MOB3B: variants seen among roughly 807,000 people sequenced by gnomAD.
MOB3B encodes the protein MOB kinase activator 3B.
A neutral mutation model predicts 18.7 loss-of-function variants in MOB3B; 7 were observed. The ratio of observed to expected loss-of-function variants is 0.37; its 90% CI spans 0.21 to 0.70. The LOEUF (loss-of-function observed/expected upper bound fraction) is 0.70, where lower values mean the gene tolerates loss of function less well. Ranked by LOEUF, MOB3B falls within the 30% of genes least tolerant of loss-of-function variation. The pLI, the probability that MOB3B is intolerant of heterozygous loss-of-function variation, is 0.52. For missense variants in MOB3B, 253 were observed against 281.3 expected, an observed-to-expected ratio of 0.90 and a Z score of 0.72; for synonymous variants, 111 against 99.9, an observed-to-expected ratio of 1.11 and a Z score of -0.66.
chr9:27,395,849 T>C (rs1408384940), intron 2 of MOB3B, among the ~76,000 whole-genome samples: 2 of 152,176 alleles, frequency 1.3e-5, no homozygotes, highest in African/African-American at 2.4e-5. Flanking sequence ...ATCTACACAA[T>C]GGAGATAACA....
intron 2 of MOB3B, among the ~76,000 whole-genome samples, chr9:27,406,815 G>T (rs1005851990): frequency 6.6e-6 from 1 of 151,536 alleles, no homozygotes; most frequent in Non-Finnish European, 1.5e-5. Context: ...AATGCTCAAG[G>T]ACATTGGTCT....
intron 1 of MOB3B, among the ~76,000 whole-genome samples, chr9:27,472,712 C>T (rs979568247): frequency 6.8e-6 from 1 of 147,534 alleles, no homozygotes; most frequent in Non-Finnish European, 1.5e-5. Flanking sequence ...AAAAGAGCTC[C>T]CTGAGTTTAA....
intron 3 of MOB3B, among the ~76,000 whole-genome samples, chr9:27,339,754 T>G (rs1009407098): frequency 6.6e-6 from 1 of 152,238 alleles, no homozygotes; most frequent in African/African-American, 2.4e-5. Flanking sequence ...GTGCTGAATA[T>G]ATCTTCATTC....
At chr9:27,362,613 T>C (rs570508752) in intron 2 of MOB3B, among the ~76,000 whole-genome samples, 1 of 152,154 alleles carries the variant, frequency 6.6e-6, no homozygotes, top group South Asian at 2.1e-4. Context: ...CTGCAAACGG[T>C]TCAAGTTGAG....
chr9:27,374,603 G>A (rs1821466002), intron 2 of MOB3B, among the ~76,000 whole-genome samples: 1 of 152,136 alleles, frequency 6.6e-6, no homozygotes, highest in Non-Finnish European at 1.5e-5. Flanking sequence ...GGTCTCTCTA[G>A]AACTTGACAT....
intron 2 of MOB3B, among the ~76,000 whole-genome samples, chr9:27,409,307 C>T (rs1243077675): frequency 2.0e-5 from 3 of 152,186 alleles, no homozygotes; most frequent in Admixed American, 6.5e-5. Context: ...CAGAGCTAGA[C>T]ACTATTTAAT....
intron 2 of MOB3B, among the ~76,000 whole-genome samples, chr9:27,429,091 C>T (rs143873512): frequency 1.1e-3 from 160 of 152,204 alleles, no homozygotes; most frequent in African/African-American, 3.5e-3. Flanking sequence ...TAGGAGACAC[C>T]CTGATTTTAG....
chr9:27,338,658 G>A (rs999671090), intron 3 of MOB3B, among the ~76,000 whole-genome samples: 4 of 152,342 alleles, frequency 2.6e-5, no homozygotes, highest in Admixed American at 1.3e-4. Context: ...TAGAAGGTGG[G>A]AACAACAGCA....
chr9:27,399,001 G>C (rs1213126272), intron 2 of MOB3B, among the ~76,000 whole-genome samples: 1 of 151,854 alleles, frequency 6.6e-6, no homozygotes, highest in Non-Finnish European at 1.5e-5. Flanking sequence ...TCTGGGGGCA[G>C]GGGGGTGGGA....
chr9:27,509,356 T>A (rs1820107516), intron 1 of MOB3B, among the ~76,000 whole-genome samples: 1 of 151,910 alleles, frequency 6.6e-6, no homozygotes, highest in Non-Finnish European at 1.5e-5. Flanking sequence ...TACTTCAAGT[T>A]CCCCAAATTT....
chr9:27,377,762 A>G (rs189503646), intron 2 of MOB3B, among the ~76,000 whole-genome samples: 5 of 152,374 alleles, frequency 3.3e-5, no homozygotes, highest in Admixed American at 3.3e-4. Flanking sequence ...AATGTTCTCT[A>G]AGACTTTCAC....
intron 1 of MOB3B, among the ~76,000 whole-genome samples, chr9:27,505,267 C>T (rs1820042531): frequency 6.6e-6 from 1 of 152,188 alleles, no homozygotes; most frequent in Admixed American, 6.5e-5. Flanking sequence ...CTGCAAACAT[C>T]TGTGTCCGTA....
chr9:27,487,846 T>G (rs1397993569), intron 1 of MOB3B, among the ~76,000 whole-genome samples: 2 of 152,234 alleles, frequency 1.3e-5, no homozygotes, highest in African/African-American at 2.4e-5. Flanking sequence ...TCATCATGGC[T>G]TCTGCCTTCT....
chr9:27,491,634 G>A (rs961411939), intron 1 of MOB3B, among the ~76,000 whole-genome samples: 1 of 152,176 alleles, frequency 6.6e-6, no homozygotes, highest in Non-Finnish European at 1.5e-5. Context: ...CAGCACTTTG[G>A]GAGGCCGAGC....
intron 2 of MOB3B, 146 bp from the exon 3 acceptor site, chr9:27,359,382 G>C (rs55840607): frequency 1.6e-5 from 10 of 607,456 alleles, no homozygotes; most frequent in Admixed American, 8.8e-5. Flanking sequence ...TGTGTGTGGG[G>C]GGGGGGGGTT....
rs140414575 is a variant in MOB3B, at chr9:27,387,127, G to T, written c.419-27891C>A. ...GTGCTTGCTGAGAAAACTGAAGTTG[G>T]ATGCCTCCTTTAAACAGAATGAAAG... On this transcript the variant is annotated intron_variant, in intron 2 of 3. Coordinates refer to ENST00000262244, the MANE Select transcript of MOB3B (RefSeq NM_024761.5). Among the ~76,000 whole-genome samples, 716 of 152,292 alleles carry T rather than the reference G, an allele frequency of 4.7e-3. 2 individuals are homozygous for T. Among genetic ancestry groups the T allele is most frequent in the Non-Finnish European group, 8.2e-3 (556 of 68,034 alleles).
chr9:27,500,072 C>T (rs1819966173), intron 1 of MOB3B, among the ~76,000 whole-genome samples: 1 of 152,042 alleles, frequency 6.6e-6, no homozygotes, highest in Admixed American at 6.5e-5. Flanking sequence ...GACTAGACCT[C>T]AGAACTATCA....
intron 1 of MOB3B, among the ~76,000 whole-genome samples, chr9:27,457,302 T>C (rs958821505): frequency 3.3e-5 from 5 of 152,206 alleles, no homozygotes; most frequent in Non-Finnish European, 7.3e-5. Context: ...AGAGAGGAGA[T>C]AACTGATCCA....
intron 1 of MOB3B, among the ~76,000 whole-genome samples, chr9:27,494,976 G>C (rs924781900): frequency 2.0e-5 from 3 of 152,174 alleles, no homozygotes; most frequent in Non-Finnish European, 4.4e-5. Flanking sequence ...TGATGCTGAT[G>C]CTGCTAGTCT....
Sources: allele counts gnomAD v4.1 joint callset (sites outside exome capture counted in the v4.1 genomes callset), GRCh38; gene constraint gnomAD v4.1.1; transcripts MANE v1.5; gene names NCBI Gene and HGNC (gene_info 2026-07-23, HGNC 2026-07-21).